Variants in CCDC91 observed in about 807,000 individuals in gnomAD.
CCDC91 encodes the protein coiled-coil domain-containing protein 91.
CCDC91 carries 48 observed loss-of-function variants against 63.2 expected under a neutral mutation model. The observed-to-expected ratio is 0.76, with a 90% CI of 0.60 to 0.97. The LOEUF (loss-of-function observed/expected upper bound fraction) is 0.97, where lower values mean the gene tolerates loss of function less well. Ranked by LOEUF, CCDC91 falls within the 50% of genes least tolerant of loss-of-function variation. CCDC91 has a pLI of 0.00. For missense variants in CCDC91, 500 were observed against 494.6 expected (o/e 1.01, Z -0.10); for synonymous variants, 167 against 165.8 (o/e 1.01, Z -0.06).
intron 12 of CCDC91, among the ~76,000 whole-genome samples, chr12:28,510,480 G>A (rs1359739334): frequency 6.6e-6 from 1 of 151,904 alleles, no homozygotes; most frequent in Non-Finnish European, 1.5e-5. Flanking sequence ...GAAAAGATCA[G>A]TGTCAGACAG....
At chr12:28,358,826 C>T (rs1284109756) in intron 6 of CCDC91, among the ~76,000 whole-genome samples, 11 of 152,140 alleles carry the variant, frequency 7.2e-5, no homozygotes, top group African/African-American at 2.7e-4. Flanking sequence ...GGGTAAATAG[C>T]CTTTGAAGCA....
At chr12:28,450,055 T>A in intron 8 of CCDC91, 106 bp from the exon 9 acceptor site, 1 of 629,814 alleles carries the variant, frequency 1.6e-6, no homozygotes, top group Non-Finnish European at 2.7e-6. Flanking sequence ...TTTTTCCTTT[T>A]GTAACTACTT....
intron 3 of CCDC91, among the ~76,000 whole-genome samples, chr12:28,266,459 A>G (rs1170992409): frequency 6.6e-6 from 1 of 152,040 alleles, no homozygotes; most frequent in Admixed American, 6.6e-5. Context: ...AGCTTTTACT[A>G]GGTGAATTAT....
At chr12:28,548,592 C>T (rs762361487) in intron 12 of CCDC91, among the ~76,000 whole-genome samples, 2 of 152,048 alleles carry the variant, frequency 1.3e-5, no homozygotes, top group African/African-American at 2.4e-5. Flanking sequence ...TTAAAGCATA[C>T]TTTTCCCCAA....
At chr12:28,504,486 A>C (rs1938452505) in intron 12 of CCDC91, among the ~76,000 whole-genome samples, 1 of 151,988 alleles carries the variant, frequency 6.6e-6, no homozygotes, top group African/African-American at 2.4e-5. Context: ...TAAAATTTTA[A>C]AAATGACTTC....
In CCDC91 at chr12:28,306,789, G is replaced by A. The variant is rs764399296; in HGVS notation, c.315G>A (p.Leu105=). ...HTHLDISLFP[L]GLTDEKSNGT... ...ATCTGGATATCTCACTTTTTCCATT[G>A]GGTTTAACTGATGAAAAAAGTAATG... Residue 105 remains leucine, a synonymous_variant, in exon 5 of 13, where the codon TTG becomes TTA. Transcript: ENST00000536442. 1.2e-6 allele frequency: 2 copies of A among 1,611,300 alleles called. No individual in the cohort carries two copies. Among genetic ancestry groups the A allele is most frequent in the Non-Finnish European group, 1.7e-6 (2 of 1,178,442 alleles).
At chr12:28,395,292 C>T (rs993623497) in intron 8 of CCDC91, among the ~76,000 whole-genome samples, 4 of 152,170 alleles carry the variant, frequency 2.6e-5, no homozygotes, top group African/African-American at 4.8e-5. Flanking sequence ...GACACCAAAT[C>T]GGTGTTCTAC....
intron 8 of CCDC91, among the ~76,000 whole-genome samples, chr12:28,404,103 A>G (rs552891263): frequency 6.6e-6 from 1 of 152,012 alleles, no homozygotes; most frequent in South Asian, 2.1e-4. Context: ...AAAGGTGGAA[A>G]CTTAGATTGT....
chr12:28,205,146 C>A (rs1337548373), intron 1 of CCDC91, among the ~76,000 whole-genome samples: 5 of 151,636 alleles, frequency 3.3e-5, no homozygotes, highest in Non-Finnish European at 5.9e-5. Context: ...CATAGGATGT[C>A]AGTTTTGTCA....
chr12:28,416,568 G>A (rs1054658425), intron 8 of CCDC91, among the ~76,000 whole-genome samples: 1 of 152,010 alleles, frequency 6.6e-6, no homozygotes, highest in Admixed American at 6.6e-5. Context: ...AAGGATAGGG[G>A]GAATTGTTGC....
intron 11 of CCDC91, among the ~76,000 whole-genome samples, chr12:28,460,556 A>G (rs1300337924): frequency 6.6e-6 from 1 of 152,108 alleles, no homozygotes; most frequent in Non-Finnish European, 1.5e-5. Flanking sequence ...GCCCTTAGAA[A>G]CGAGACAAAA....
intron 3 of CCDC91, among the ~76,000 whole-genome samples, chr12:28,282,260 G>A (rs1169055121): frequency 2.0e-5 from 3 of 152,132 alleles, no homozygotes; most frequent in East Asian, 3.8e-4. Context: ...GATTTAAGGA[G>A]CATTGGGGGA....
chr12:28,522,950 A>G (rs578040841), intron 12 of CCDC91, among the ~76,000 whole-genome samples: 1 of 152,130 alleles, frequency 6.6e-6, no homozygotes, highest in African/African-American at 2.4e-5. Context: ...AGTTTGTTAT[A>G]ATTTCTGTTC....
intron 11 of CCDC91, among the ~76,000 whole-genome samples, chr12:28,463,174 C>T (rs1263976248): frequency 2.0e-5 from 3 of 152,012 alleles, no homozygotes; most frequent in Admixed American, 6.5e-5. Context: ...AATTTGAGAT[C>T]GAGTGAAATA....
At chr12:28,235,607 AG>A (rs1944895074) in intron 1 of CCDC91, among the ~76,000 whole-genome samples, 3 of 150,302 alleles carry the variant, frequency 2.0e-5, no homozygotes, top group Non-Finnish European at 4.4e-5. Context: ...AAAAAAAAAA[AG>A]ACGAGGAAAA....
chr12:28,485,340 A>G, intron 12 of CCDC91, among the ~76,000 whole-genome samples: 1 of 151,530 alleles, frequency 6.6e-6, no homozygotes, highest in Non-Finnish European at 1.5e-5. Flanking sequence ...TTTATTTTTT[A>G]TTTTTAGTAG....
intron 11 of CCDC91, among the ~76,000 whole-genome samples, chr12:28,468,811 A>T (rs1186030008): frequency 6.6e-6 from 1 of 152,110 alleles, no homozygotes; most frequent in African/African-American, 2.4e-5. Context: ...GTAATACAAA[A>T]TATTGACCAA....
intron 6 of CCDC91, among the ~76,000 whole-genome samples, chr12:28,312,542 G>A (rs1289501738): frequency 1.3e-5 from 2 of 151,990 alleles, no homozygotes; most frequent in Non-Finnish European, 2.9e-5. Flanking sequence ...TAATTTCTTA[G>A]GAATAAGAGA....
intron 12 of CCDC91, among the ~76,000 whole-genome samples, chr12:28,509,579 AT>A (rs776929305): frequency 3.9e-5 from 6 of 152,010 alleles, no homozygotes; most frequent in East Asian, 3.9e-4. Flanking sequence ...TATTTATATC[AT>A]TTTTTAAAGT....
Sources: allele counts gnomAD v4.1 joint callset (sites outside exome capture counted in the v4.1 genomes callset), GRCh38; gene constraint gnomAD v4.1.1; transcripts MANE v1.5; gene names NCBI Gene and HGNC (gene_info 2026-07-23, HGNC 2026-07-21).